ZNF91: variants seen among roughly 807,000 people sequenced by gnomAD.
ZNF91 encodes the protein zinc finger protein 91.
In ZNF91, 7 loss-of-function variants were observed where a neutral mutation model predicts 12.6. The observed-to-expected ratio is 0.55, with a 90% CI of 0.31 to 1.04. ZNF91 has a LOEUF of 1.04. ZNF91 is among the 50% of genes least tolerant of loss of function. The pLI is 0.05. For missense variants in ZNF91, 1,217 were observed against 1,385.4 expected (o/e 0.88, Z 1.93); for synonymous variants, 453 against 462.6 (o/e 0.98, Z 0.27).
At chr19:23,385,116 C>T (rs182583926) in intron 1 of ZNF91, 15 of 771,886 alleles carry the variant, frequency 1.9e-5, no homozygotes, top group African/African-American at 3.4e-5. Context: ...CCGAACAGTA[C>T]CCCGAATGGC....
rs1249584271 is a variant in ZNF91 at position 23,359,829 on chromosome 19, GT to G, written c.3149del (p.Tyr1050SerfsTer16). Reference protein sequence around the residue: ...HKIIHTGEKPYKCEECGKAFI... With the variant: ...HKIIHTGEKPXKCEECGKAFI... The stretch of plus-strand genomic sequence containing the variant: ...ATGCTTTGCCACATTCTTCACACTT[GT>G]AAGGTTTCTCTCCAGTATGAATTAT... On this transcript the variant is annotated frameshift_variant, in exon 4 of 4. Transcript: ENST00000300619. LOFTEE classifies it low-confidence loss of function (END_TRUNC). 4 of 1,613,872 alleles carry G rather than the reference GT, an allele frequency of 2.5e-6. No homozygotes were observed. The highest frequency in any genetic ancestry group is 3.4e-6 in the Non-Finnish European group (4 of 1,179,992).
At chr19:23,309,201 T>C (rs1225968059) in intron 1 of ZNF91, 1 of 151,938 alleles carries the variant, frequency 6.6e-6, no homozygotes, top group African/African-American at 2.4e-5. Flanking sequence ...ATGTTGAATA[T>C]CATGACCTAA....
At chr19:23,333,583 T>C (rs970969145) in intron 1 of ZNF91, among the ~76,000 whole-genome samples, 5 of 152,190 alleles carry the variant, frequency 3.3e-5, no homozygotes, top group Non-Finnish European at 7.3e-5. Flanking sequence ...TAGATTCTTT[T>C]ATGAGGGTGC....
intron 1 of ZNF91, among the ~76,000 whole-genome samples, chr19:23,394,916 G>A (rs915255239): frequency 1.3e-5 from 2 of 152,068 alleles, no homozygotes; most frequent in South Asian, 2.1e-4. Flanking sequence ...TTTTCGCGGT[G>A]ACGCCCATAA....
At position 23,360,887 on chromosome 19, in the gene ZNF91, G is replaced by A. The variant is rs763263307; in HGVS notation, c.2092C>T (p.Leu698Phe). 1 of 1,612,438 alleles carries A rather than the reference G, an allele frequency of 6.2e-7. No homozygotes were observed. The highest frequency in any genetic ancestry group is 1.3e-5 in the African/African-American group (1 of 74,450). Reference sequence around the variant, plus strand: ...ATTTTATGTTTAGTAAGGGTTGAGAGTCGCTTAAAAGTTTTGTCACATTCT... The same window carrying A: ...ATTTTATGTTTAGTAAGGGTTGAGAATCGCTTAAAAGTTTTGTCACATTCT... ...CKECDKTFKR[L>F]STLTKHKIIH... The change falls in exon 4 of 4, where the codon CTC becomes TTC. Residue 698 changes from leucine (L) to phenylalanine (F), a missense_variant. Leu to Phe is a conservative substitution (Grantham distance 22). Coordinates refer to ENST00000300619, the MANE Select transcript of ZNF91 (RefSeq NM_003430.4).
At chr19:23,369,320 A>C (rs1485191780) in intron 3 of ZNF91, among the ~76,000 whole-genome samples, 5 of 150,210 alleles carry the variant, frequency 3.3e-5, no homozygotes, top group Non-Finnish European at 5.9e-5. Context: ...AGAAAAAAAA[A>C]AACAACGCCC....
intron 1 of ZNF91, among the ~76,000 whole-genome samples, chr19:23,318,943 C>T (rs1967626244): frequency 6.6e-6 from 1 of 152,214 alleles, no homozygotes; most frequent in Non-Finnish European, 1.5e-5. Context: ...TGTCTGGACT[C>T]TGATCACTGT....
At chr19:23,384,858 G>C (rs545648312) in intron 1 of ZNF91, 14 of 737,222 alleles carry the variant, frequency 1.9e-5, no homozygotes, top group Non-Finnish European at 3.3e-5. Context: ...TCTCCCTCAC[G>C]ATCACTGGAG....
At chr19:23,327,986 A>AT (rs1277681578) in intron 1 of ZNF91, 2 of 152,004 alleles carry the variant, frequency 1.3e-5, no homozygotes, top group Admixed American at 6.6e-5. Flanking sequence ...CCTAAGTACA[A>AT]TTTTTTTCTA....
chr19:23,355,401 A>G (rs1211554134), downstream of ZNF91, among the ~76,000 whole-genome samples: 1 of 152,180 alleles, frequency 6.6e-6, no homozygotes, highest in Non-Finnish European at 1.5e-5. Flanking sequence ...GGCTAGCCAC[A>G]TGTAGAATGA....
chr19:23,355,879 G>A (rs183266113), downstream of ZNF91, among the ~76,000 whole-genome samples: 24 of 152,106 alleles, frequency 1.6e-4, no homozygotes, highest in Admixed American at 5.9e-4. Context: ...TATACAAATG[G>A]CCAACAAACA....
chr19:23,308,351 G>C (rs760239883), intron 2 of ZNF91: 2 of 152,170 alleles, frequency 1.3e-5, no homozygotes, highest in African/African-American at 4.8e-5. Context: ...CTTTCATACA[G>C]GGGGCATTTT....
At position 23,325,328 on chromosome 19, in the gene ZNF91, C is replaced by T. The variant is rs1461720248; in HGVS notation, n.117-16231G>A. The T allele has an allele frequency of 2.0e-5, 3 of 152,206 alleles. No individual in the cohort carries two copies. The South Asian group carries it at 6.2e-4, about 32-fold the overall frequency. The allele number at this position is 152,206 out of a possible 1,614,324, so 9.4% of individuals were successfully genotyped here. A position where few individuals can be genotyped will look rare whatever the true frequency, so the allele number is the denominator to read the frequency against. ...ATCAGTGGACAGACTGTAAGCATCC[C>T]ATTGGTGTCAGTTGCCAGGTGCCCA... On this transcript the variant is annotated intron_variant and non_coding_transcript_variant, in intron 1 of 1. Coordinates refer to the ZNF91 transcript ENST00000596528.
intron 1 of ZNF91, among the ~76,000 whole-genome samples, chr19:23,320,753 G>A (rs1967673300): frequency 6.6e-6 from 1 of 152,170 alleles, no homozygotes; most frequent in African/African-American, 2.4e-5. Flanking sequence ...TGTACTAACA[G>A]AGCCCAGCTC....
At chr19:23,373,606 A>C (rs955863394) in intron 3 of ZNF91, 136 bp downstream of exon 3, 3 of 581,992 alleles carry the variant, frequency 5.2e-6, no homozygotes, top group Non-Finnish European at 9.0e-6. Context: ...GTGATAGCAT[A>C]ATTTAAAAAA....
chr19:23,317,900 C>CA (rs1967601290), intron 1 of ZNF91, among the ~76,000 whole-genome samples: 2 of 152,162 alleles, frequency 1.3e-5, no homozygotes, highest in Admixed American at 6.5e-5. Context: ...GGGTCATGTG[C>CA]AAGAATTTTA....
chr19:23,383,543 C>T (rs1235146161), intron 1 of ZNF91, among the ~76,000 whole-genome samples: 1 of 151,992 alleles, frequency 6.6e-6, no homozygotes, highest in Non-Finnish European at 1.5e-5. Context: ...CAAAAATTAG[C>T]CAGGTGTGGT....
At chr19:23,312,163 G>T (rs1967482302), upstream of ZNF91, among the ~76,000 whole-genome samples, 1 of 152,010 alleles carries the variant, frequency 6.6e-6, no homozygotes, top group African/African-American at 2.4e-5. Context: ...GCAACAACGT[G>T]ATATGACTCT....
chr19:23,349,459 G>A (rs1347857997), intron 3 of ZNF91, among the ~76,000 whole-genome samples: 2 of 152,062 alleles, frequency 1.3e-5, no homozygotes. Context: ...CTTTTGTCTT[G>A]GGGCCTCTAC....
Sources: gnomAD v4.1 joint callset for allele counts (sites outside exome capture counted in the v4.1 genomes callset) on GRCh38, gnomAD v4.1.1 for gene constraint, MANE v1.5 for transcripts, NCBI Gene and HGNC (gene_info 2026-07-23, HGNC 2026-07-21) for gene names.